MOB1B: variants seen among roughly 807,000 people sequenced by gnomAD.
MOB1B encodes the protein MOB1 Mps One Binder homolog B.
In MOB1B, 19 loss-of-function variants were observed where a neutral mutation model predicts 24.4. The ratio of observed to expected loss-of-function variants is 0.78; its 90% CI spans 0.54 to 1.14. MOB1B has a LOEUF of 1.14. MOB1B is among the 50% of genes most tolerant of loss of function. MOB1B has a pLI of 0.00. For missense variants in MOB1B, 243 were observed against 259.6 expected (o/e 0.94, Z 0.44); for synonymous variants, 76 against 82.1 (o/e 0.93, Z 0.40).
chr4:70,980,317 G>A (rs1739151852), intron 5 of MOB1B, among the ~76,000 whole-genome samples: 1 of 152,160 alleles, frequency 6.6e-6, no homozygotes, highest in African/African-American at 2.4e-5. Context: ...TTGCATCTGT[G>A]TTTGGTTTAG....
At position 70,985,923 on chromosome 4, in the gene MOB1B, ATTT is replaced by A. The variant is rs1301405832; in HGVS notation, c.*3867_*3869del. The A allele has an allele frequency of 6.6e-6, 1 of 152,220 alleles. No homozygotes were observed. The highest frequency in any genetic ancestry group is 2.4e-5 in the African/African-American group (1 of 41,442). The allele number at this position is 152,220 out of a possible 1,614,324, so 9.4% of individuals were successfully genotyped here. ...CAAAGGAATGTGCCATGATTTCCGA[ATTT>A]GCACAAGAGAATGTTTTAAGCATTG... On this transcript the variant is annotated 3_prime_UTR_variant, in exon 6 of 6. Coordinates refer to ENST00000309395, the MANE Select transcript of MOB1B (RefSeq NM_173468.4).
In MOB1B at chr4:70,982,075, C is replaced by T. The variant is rs368325931; in HGVS notation, c.*18C>T. ...ACAGATAAAAGGATGCAGAGCTGTG[C>T]AAATTGTTCCTCAAATGAAGCAGTG... On this transcript the variant is annotated 3_prime_UTR_variant, in exon 6 of 6. Transcript: ENST00000309395. The T allele has an allele frequency of 6.2e-4, 965 of 1,567,400 alleles. 18 individuals are homozygous for T. The South Asian group carries it at 9.7e-3, about 16-fold the overall frequency.
At position 70,903,981 on chromosome 4, in the gene MOB1B, T is replaced by TG. The variant is rs1374198239; in HGVS notation, c.14+1431_14+1432insG. The stretch of plus-strand genomic sequence containing the variant: ...TTGTTTCTTATTTTAGTTCTTTTTT[T>TG]TTTTTTTTTTTTTTTTTGAGACGGA... On this transcript the variant is annotated intron_variant, in intron 1 of 5. Coordinates refer to ENST00000309395, the MANE Select transcript of MOB1B (RefSeq NM_173468.4). Among the ~76,000 whole-genome samples, 91 of 128,404 alleles carry TG rather than the reference T, an allele frequency of 7.1e-4. 1 individual carries two copies. Among genetic ancestry groups the TG allele is most frequent in the African/African-American group, 2.6e-3 (91 of 34,588 alleles). 84.2% of individuals were successfully genotyped at this position (128,404 alleles called of 152,430 possible).
intron 1 of MOB1B, among the ~76,000 whole-genome samples, chr4:70,913,575 G>A (rs1383914559): frequency 2.6e-5 from 4 of 152,052 alleles, no homozygotes; most frequent in Non-Finnish European, 4.4e-5. Context: ...CTAGGTGTGC[G>A]CCACCGTGCC....
chr4:70,920,739 A>G (rs1736403129), intron 1 of MOB1B, among the ~76,000 whole-genome samples: 1 of 152,188 alleles, frequency 6.6e-6, no homozygotes, highest in African/African-American at 2.4e-5. Context: ...ATTGCCATGA[A>G]TTAAGAATAC....
At chr4:70,929,806 C>G (rs1042698292) in intron 1 of MOB1B, among the ~76,000 whole-genome samples, 17 of 152,158 alleles carry the variant, frequency 1.1e-4, no homozygotes, top group Admixed American at 2.6e-4. Context: ...CCACTGCGCC[C>G]AGCTAATTTT....
At chr4:70,902,195 TGCC>T, upstream of MOB1B, 1 of 465,056 alleles carries the variant, frequency 2.2e-6, no homozygotes, top group Non-Finnish European at 3.9e-6. Flanking sequence ...AGAGTCCCCA[TGCC>T]GCAGCCGGAG....
intron 1 of MOB1B, among the ~76,000 whole-genome samples, chr4:70,921,058 G>C (rs1387104476): frequency 1.3e-5 from 2 of 152,046 alleles, no homozygotes; most frequent in Admixed American, 1.3e-4. Flanking sequence ...TTATATATAT[G>C]CATACACAAG....
At chr4:70,977,188 A>T (rs1243161104) in intron 4 of MOB1B, among the ~76,000 whole-genome samples, 1 of 152,154 alleles carries the variant, frequency 6.6e-6, no homozygotes, top group African/African-American at 2.4e-5. Context: ...AATGTACTTT[A>T]TAAGCAAAGG....
chr4:70,972,103 A>C (rs1454618397), intron 3 of MOB1B, among the ~76,000 whole-genome samples: 2 of 151,986 alleles, frequency 1.3e-5, no homozygotes, highest in African/African-American at 4.8e-5. Context: ...CAGCAGATGC[A>C]GGATTGTGCC....
At chr4:70,930,418 GATT>G (rs1736843388) in intron 1 of MOB1B, among the ~76,000 whole-genome samples, 1 of 152,110 alleles carries the variant, frequency 6.6e-6, no homozygotes, top group Non-Finnish European at 1.5e-5. Context: ...TTTAGTTTCT[GATT>G]ATTTCAGGAT....
intron 1 of MOB1B, among the ~76,000 whole-genome samples, chr4:70,922,227 A>G (rs1044302329): frequency 2.0e-5 from 3 of 152,256 alleles, no homozygotes; most frequent in Non-Finnish European, 2.9e-5. Context: ...TTTTAGAAAC[A>G]TATTTCCCCA....
In MOB1B at chr4:70,916,120, G is replaced by A. The variant is rs72852951; in HGVS notation, c.14+13570G>A. Among the ~76,000 whole-genome samples the A allele has an allele frequency of 2.9e-3, 446 of 152,296 alleles. 4 individuals carry two copies. The highest frequency in any genetic ancestry group is 0.01 in the African/African-American group (432 of 41,558). ...TTGGTTTGGTCTCTTGGGGCCTAGTGCATGAGATTAGTCCAAAACGATGGC... is the reference window on the plus strand; with the variant it reads ...TTGGTTTGGTCTCTTGGGGCCTAGTACATGAGATTAGTCCAAAACGATGGC... On this transcript the variant is annotated intron_variant, in intron 1 of 5. Transcript: ENST00000309395.
chr4:70,954,442 TTTTTC>T (rs1327951732), intron 1 of MOB1B, among the ~76,000 whole-genome samples: 10 of 152,150 alleles, frequency 6.6e-5, no homozygotes, highest in Non-Finnish European at 1.2e-4. Flanking sequence ...CAGATTTTAT[TTTTTC>T]TTTTCTTTTC....
chr4:70,929,534 A>G (rs974286518), intron 1 of MOB1B, among the ~76,000 whole-genome samples: 3 of 152,024 alleles, frequency 2.0e-5, no homozygotes. Flanking sequence ...AGTCTGTAGC[A>G]CAGTGGCCCA....
At chr4:70,912,443 C>T (rs536740343) in intron 1 of MOB1B, among the ~76,000 whole-genome samples, 1 of 151,990 alleles carries the variant, frequency 6.6e-6, no homozygotes, top group Admixed American at 6.6e-5. Flanking sequence ...CCACACCCAG[C>T]TAATTTTTAT....
In MOB1B at chr4:70,958,676, T is replaced by A. The variant is rs755414371; in HGVS notation, c.15-198T>A. On this transcript the variant is annotated intron_variant, in intron 1 of 5. Transcript: ENST00000309395. ...TTGAGAAGAGGTGTTAGTTACAGCT[T>A]AAAAATTTTTCTTTTTGTGAGTTAA... The A allele has an allele frequency of 4.3e-6, 3 of 701,248 alleles. No homozygotes were observed. In the Admixed American group the frequency reaches 5.4e-5, roughly 13 times the overall value. The allele number at this position is 701,248 out of a possible 1,614,324, so 43.4% of individuals were successfully genotyped here.
rs554356713 is a variant in MOB1B at position 70,950,571 on chromosome 4, A to G, written c.15-8303A>G. ...CTTAGATTTGTCATCCATAAAATAAAGAAAAATAATAGCTTGTATATCAGA... is the reference window on the plus strand; with the variant it reads ...CTTAGATTTGTCATCCATAAAATAAGGAAAAATAATAGCTTGTATATCAGA... On this transcript the variant is annotated intron_variant, in intron 1 of 5. Transcript: ENST00000309395. 4 of 425,802 alleles carry G rather than the reference A, an allele frequency of 9.4e-6. No individual in the cohort carries two copies. In the South Asian group the frequency reaches 1.5e-4, roughly 16 times the overall value. The allele number at this position is 425,802 out of a possible 1,614,324, so 26.4% of individuals were successfully genotyped here. A position where few individuals can be genotyped will look rare whatever the true frequency, so the allele number is the denominator to read the frequency against.
intron 4 of MOB1B, chr4:70,976,399 C>G (rs1578404567): frequency 1.0e-6 from 1 of 985,058 alleles, no homozygotes; most frequent in Non-Finnish European, 1.2e-6. Context: ...CTTACAGATT[C>G]AGATATTAAG....
Sources: gnomAD v4.1 joint callset for allele counts (sites outside exome capture counted in the v4.1 genomes callset) on GRCh38, gnomAD v4.1.1 for gene constraint, MANE v1.5 for transcripts, NCBI Gene and HGNC (gene_info 2026-07-23, HGNC 2026-07-21) for gene names.